Variants in ZNF462 observed in about 807,000 individuals in gnomAD.
ZNF462 encodes zinc finger protein 462.
In ZNF462, 10 loss-of-function variants were observed where a neutral mutation model predicts 201.9. The observed-to-expected ratio is 0.05, with a 90% confidence interval of 0.03 to 0.08. The LOEUF (loss-of-function observed/expected upper bound fraction) is 0.08. ZNF462 is among the 10% of genes least tolerant of loss of function. The pLI is 1.00. For missense variants in ZNF462, 2,523 were observed against 3,168.3 expected, an observed-to-expected ratio of 0.80 and a Z score of 4.89; for synonymous variants, 1,227 against 1,193.3, an observed-to-expected ratio of 1.03 and a Z score of -0.58.
chr9:106,880,540 T>C lies in ZNF462; in HGVS notation c.-31+17185T>C, dbSNP rs998527207. Among the ~76,000 whole-genome samples, 1 of 152,206 alleles carries C rather than the reference T, an allele frequency of 6.6e-6. No homozygotes were observed. Among genetic ancestry groups the C allele is most frequent in the Non-Finnish European group, 1.5e-5 (1 of 68,040 alleles). On this transcript the variant is annotated intron_variant, in intron 1 of 12. Transcript: ENST00000277225. The surrounding 1 kb of genome is among the most constrained non-coding windows in gnomAD (Gnocchi z 4.1). ...CATCTCCTAACCCAAGTGTGGACTT[T>C]GTGTTTGTTTATGTTAAGTAGCTCT...
chr9:106,922,057 T>C (rs1830013795), intron 1 of ZNF462, among the ~76,000 whole-genome samples: 2 of 152,222 alleles, frequency 1.3e-5, no homozygotes. Flanking sequence ...AATCCTTGTG[T>C]GATGGCTCCT....
chr9:106,963,638 G>T lies in ZNF462; in HGVS notation c.6428-8367G>T, dbSNP rs1410387726. On this transcript the variant is annotated intron_variant, in intron 7 of 12. Coordinates refer to ENST00000277225, the MANE Select transcript of ZNF462 (RefSeq NM_021224.6). The surrounding 1 kb of genome is among the most constrained non-coding windows in gnomAD (Gnocchi z 4.7). ...AATTAAAGTTTATGAAGTTTGTAAG[G>T]AACCTAACAGATGATCTTGTCTAAA... Among the ~76,000 whole-genome samples the T allele has an allele frequency of 2.6e-5, 4 of 151,984 alleles. No homozygotes were observed. Among genetic ancestry groups the T allele is most frequent in the Admixed American group, 2.0e-4 (3 of 15,238 alleles).
At position 106,925,619 on chromosome 9, in the gene ZNF462, GCCA is replaced by G. The variant is rs781461843; in HGVS notation, c.1712_1714del (p.Pro571del). The G allele has an allele frequency of 7.4e-6, 12 of 1,613,254 alleles. No individual in the cohort carries two copies. Among genetic ancestry groups the G allele is most frequent in the South Asian group, 1.1e-5 (1 of 91,016 alleles). ...AGCAGCCACAGCCACCACAGCTGCA[GCCA>G]CCACATCAGGTGCCACCCCAGCCAC... On this transcript the variant is annotated inframe_deletion, in exon 3 of 13. Transcript: ENST00000277225. This position sits in a 1 kb window ranked among gnomAD's most constrained non-coding sequence, Gnocchi z 7.9.
In ZNF462 at chr9:106,926,540, C is replaced by T; in HGVS notation, c.2628C>T (p.Ile876=). Residue 876 remains isoleucine (I), a synonymous_variant, in exon 3 of 13, where the codon ATC becomes ATT. Transcript: ENST00000277225. This position sits in a 1 kb window ranked among gnomAD's most constrained non-coding sequence, Gnocchi z 7.9. ...HPYIKFSFRY[I]LDPNDHSAVY... ...ACATTAAATTCAGCTTTAGGTACAT[C>T]TTGGACCCCAATGATCACAGTGCAG... 2 of 1,614,124 alleles carry T rather than the reference C, an allele frequency of 1.2e-6. No individual in the cohort carries two copies. Among genetic ancestry groups the T allele is most frequent in the Non-Finnish European group, 1.7e-6 (2 of 1,180,026 alleles).
chr9:106,888,073 C>G (rs994223505), intron 1 of ZNF462, among the ~76,000 whole-genome samples: 61 of 150,860 alleles, frequency 4.0e-4, no homozygotes, highest in Non-Finnish European at 6.6e-4. Flanking sequence ...ACGGAGTCTC[C>G]CTCTGTCGCT....
rs1827205775 is a variant in ZNF462 at position 106,864,095 on chromosome 9, T to TCTCC, written c.-31+743_-31+744insCCTC. On this transcript the variant is annotated intron_variant, in intron 1 of 12. Coordinates refer to ENST00000277225, the MANE Select transcript of ZNF462 (RefSeq NM_021224.6). Reference sequence around the variant, plus strand: ...CTCTCTCTCTCTCTCTCTCTCTCTCTCTCTCTCTCTCTCTCCCTCTCCCCG... The same window carrying TCTCC: ...CTCTCTCTCTCTCTCTCTCTCTCTCTCTCCCTCTCTCTCTCTCTCCCTCTCCCCG... 4.4e-5 allele frequency among the ~76,000 whole-genome samples: 5 copies of TCTCC among 113,642 alleles called. 1 individual carries two copies. The highest frequency in any genetic ancestry group is 1.8e-4 in the African/African-American group (5 of 28,502). 74.6% of individuals were successfully genotyped at this position (113,642 alleles called of 152,430 possible).
chr9:106,881,297 G>T (rs1416171484), intron 1 of ZNF462, among the ~76,000 whole-genome samples: 1 of 152,152 alleles, frequency 6.6e-6, no homozygotes, highest in Admixed American at 6.5e-5. Context: ...AGGACACATC[G>T]AAGGGGGACC....
intron 7 of ZNF462, among the ~76,000 whole-genome samples, chr9:106,948,625 C>G (rs1251169487): frequency 6.6e-6 from 1 of 151,562 alleles, no homozygotes; most frequent in Non-Finnish European, 1.5e-5. Flanking sequence ...GATATTTGTT[C>G]TATGAGTATA....
intron 7 of ZNF462, among the ~76,000 whole-genome samples, chr9:106,943,059 C>CGCGCGCGCGCGCGCGTGTGTGTGTGT (rs374167214): frequency 2.1e-5 from 3 of 143,244 alleles, no homozygotes; most frequent in African/African-American, 7.9e-5. Flanking sequence ...TTTGCGCGCG[C>CGCGCGCGCGCGCGCGTGTGTGTGTGT]GTGTGTGTGT....
intron 1 of ZNF462, among the ~76,000 whole-genome samples, chr9:106,916,902 T>C (rs1829796032): frequency 6.6e-6 from 1 of 152,166 alleles, no homozygotes; most frequent in African/African-American, 2.4e-5. Context: ...CAAGTTCCCC[T>C]TTACAGACAA....
In ZNF462 at chr9:106,880,862, G is replaced by T. The variant is rs185956378; in HGVS notation, c.-31+17507G>T. ...AGACCTTTGACCTTTATACCTGTACGTTACTCTGTACCTCGTGGGTTTAAC... is the reference window on the plus strand; with the variant it reads ...AGACCTTTGACCTTTATACCTGTACTTTACTCTGTACCTCGTGGGTTTAAC... On this transcript the variant is annotated intron_variant, in intron 1 of 12. Coordinates refer to ENST00000277225, the MANE Select transcript of ZNF462 (RefSeq NM_021224.6). This position sits in a 1 kb window ranked among gnomAD's most constrained non-coding sequence, Gnocchi z 4.1. 6.6e-6 allele frequency among the ~76,000 whole-genome samples: 1 copy of T among 152,160 alleles called. No individual in the cohort carries two copies. The highest frequency in any genetic ancestry group is 1.5e-5 in the Non-Finnish European group (1 of 68,034).
chr9:106,878,496 A>G (rs886454974), intron 1 of ZNF462, among the ~76,000 whole-genome samples: 13 of 152,248 alleles, frequency 8.5e-5, no homozygotes, highest in African/African-American at 9.6e-5. Context: ...CCATACGTCT[A>G]TTCATTCATT....
rs1033460167 is a variant in ZNF462, at chr9:106,872,660, G to A, written c.-31+9305G>A. On this transcript the variant is annotated intron_variant, in intron 1 of 12. Transcript: ENST00000277225. This position sits in a 1 kb window ranked among gnomAD's most constrained non-coding sequence, Gnocchi z 4.5. ...CTACAGGCATGAGCCACCATGCCCG[G>A]CCTCAGAAAAGACCATTTTAATTTA... 1.4e-4 allele frequency among the ~76,000 whole-genome samples: 21 copies of A among 152,184 alleles called. No homozygotes were observed. Among genetic ancestry groups the A allele is most frequent in the African/African-American group, 5.1e-4 (21 of 41,452 alleles).
At chr9:106,944,675 C>A (rs1240340252) in intron 7 of ZNF462, among the ~76,000 whole-genome samples, 1 of 152,102 alleles carries the variant, frequency 6.6e-6, no homozygotes, top group Non-Finnish European at 1.5e-5. Flanking sequence ...CTTGTTTCTC[C>A]TATCCAGCTA....
At chr9:106,999,619 G>C (rs985611316) in intron 10 of ZNF462, among the ~76,000 whole-genome samples, 12 of 152,024 alleles carry the variant, frequency 7.9e-5, no homozygotes, top group African/African-American at 2.2e-4. Context: ...TGAAGAAGTT[G>C]GATATACACT....
chr9:106,965,708 A>G (rs547498586), intron 7 of ZNF462, among the ~76,000 whole-genome samples: 1 of 152,184 alleles, frequency 6.6e-6, no homozygotes, highest in South Asian at 2.1e-4. Flanking sequence ...TCAGGAGTCC[A>G]TCAGACACAA....
intron 7 of ZNF462, among the ~76,000 whole-genome samples, chr9:106,949,143 TGG>T (rs764224672): frequency 1.8e-4 from 28 of 152,324 alleles, no homozygotes; most frequent in Non-Finnish European, 3.4e-4. Flanking sequence ...CAAAATAAGT[TGG>T]GTAGCTGATG....
intron 9 of ZNF462, among the ~76,000 whole-genome samples, chr9:106,979,963 G>C (rs1409747597): frequency 1.3e-5 from 2 of 152,136 alleles, no homozygotes; most frequent in Non-Finnish European, 2.9e-5. Flanking sequence ...CTTGCAAGTG[G>C]GAGCCTTGGG....
At chr9:107,002,728 A>C (rs1488579288) in intron 10 of ZNF462, among the ~76,000 whole-genome samples, 5 of 152,226 alleles carry the variant, frequency 3.3e-5, no homozygotes, top group African/African-American at 1.2e-4. Context: ...CAAAAACAGT[A>C]GTAACACTAA....
Sources: gnomAD v4.1 joint callset for allele counts (sites outside exome capture counted in the v4.1 genomes callset) on GRCh38, gnomAD v4.1.1 for gene constraint, Gnocchi (gnomAD v3.1) non-coding constraint, MANE v1.5 for transcripts, NCBI Gene and HGNC (gene_info 2026-07-23, HGNC 2026-07-21) for gene names.